DMXL1: variants seen among roughly 807,000 people sequenced by gnomAD.
The protein encoded by DMXL1 is Dmx like 1, also known as dmX-like protein 1.
DMXL1 carries 99 observed loss-of-function variants against 319.2 expected under a neutral mutation model. The ratio of observed to expected loss-of-function variants is 0.31; its 90% CI spans 0.26 to 0.37. DMXL1 has a LOEUF of 0.37. DMXL1 is among the 10% of genes least tolerant of loss of function. The probability of loss-of-function intolerance (pLI) is 1.00; values close to 1 mark genes in which losing one functional copy is unlikely to be tolerated. For synonymous variants in DMXL1, 1,385 were observed against 1,235.2 expected (o/e 1.12, Z -2.54); for missense variants, 3,745 against 3,595.6 (o/e 1.04, Z -1.06).
intron 1 of DMXL1, among the ~76,000 whole-genome samples, chr5:119,074,584 T>C (rs1188603372): frequency 2.6e-5 from 4 of 152,244 alleles, no homozygotes; most frequent in Non-Finnish European, 4.4e-5. Context: ...TTTGAAAATA[T>C]GAAATTACCA....
In DMXL1 at chr5:119,196,468, C is replaced by A; in HGVS notation, c.7543+12C>A. On this transcript the variant is annotated intron_variant, in intron 31 of 43. Transcript: ENST00000539542. ...TCATGATCTTGCAGGTAATAAATAG[C>A]TCAACATGAGCTAATGGTGCCATTG... 6.3e-7 allele frequency: 1 copy of A among 1,578,682 alleles called. No homozygotes were observed. The highest frequency in any genetic ancestry group is 8.7e-7 in the Non-Finnish European group (1 of 1,150,090).
At position 119,149,733 on chromosome 5, in the gene DMXL1, T is replaced by C; in HGVS notation, c.3906T>C (p.Pro1302=). ...KICGKKTAFD[P]SVDMEDSGLF... ...GTGGAAAGAAAACTGCATTCGATCC[T>C]TCAGTGGATATGGAAGATTCAGGTC... Residue 1302 remains proline, a synonymous_variant, in exon 18 of 44, where the codon CCT becomes CCC. Transcript: ENST00000539542. The C allele has an allele frequency of 3.1e-6, 5 of 1,614,034 alleles. No individual in the cohort carries two copies. The highest frequency in any genetic ancestry group is 4.2e-6 in the Non-Finnish European group (5 of 1,179,950).
At chr5:119,232,654 AAT>A (rs747681284) in intron 38 of DMXL1, among the ~76,000 whole-genome samples, 7 of 152,258 alleles carry the variant, frequency 4.6e-5, no homozygotes, top group Admixed American at 1.3e-4. Context: ...GCGAAGAATC[AAT>A]AGTCATTTAT....
intron 34 of DMXL1, among the ~76,000 whole-genome samples, chr5:119,209,323 T>C (rs867412119): frequency 4.6e-5 from 7 of 151,948 alleles, no homozygotes; most frequent in South Asian, 4.1e-4. Flanking sequence ...ATATTCTCAA[T>C]GGATTGTGTA....
At chr5:119,171,556 T>C (rs1025679467) in intron 24 of DMXL1, among the ~76,000 whole-genome samples, 1 of 146,434 alleles carries the variant, frequency 6.8e-6, no homozygotes, top group Non-Finnish European at 1.6e-5. Flanking sequence ...TGCAAGAGGA[T>C]ATTGTCTTAT....
Position 119,100,114 on chromosome 5 carries a change from T to C in DMXL1, c.214-1821T>C, listed in dbSNP as rs142098763. On this transcript the variant is annotated intron_variant, in intron 2 of 43. Coordinates refer to ENST00000539542, the MANE Select transcript of DMXL1 (RefSeq NM_001290321.3). ...GTATTATCATAGTGGTTCCTTAAAG[T>C]ATCAGGAAGAAAATTGGCAGGTTCT... Among the ~76,000 whole-genome samples, 467 of 152,250 alleles carry C rather than the reference T, an allele frequency of 3.1e-3. 3 individuals carry two copies. The highest frequency in any genetic ancestry group is 0.01 in the African/African-American group (434 of 41,544).
rs1274257057 is a variant in DMXL1, at chr5:119,170,598, C to T, written c.5807C>T (p.Ser1936Leu). 1 of 1,613,704 alleles carries T rather than the reference C, an allele frequency of 6.2e-7. No homozygotes were observed. Among genetic ancestry groups the T allele is most frequent in the Non-Finnish European group, 8.5e-7 (1 of 1,179,914 alleles). ...QSLINGFGSS[S>L]EGSSEKQSNS... ...CTGATAAATGGTTTTGGATCTTCTT[C>T]AGAGGGTTCCTCAGAGAAGCAATCA... Residue 1936 changes from serine (S) to leucine (L), a missense_variant, in exon 24 of 44, where the codon TCA becomes TTA. Ser to Leu is a moderately radical substitution (Grantham distance 145). This residue lies in a region of DMXL1 where 1,382 missense variants were observed against 1,269.5 expected (regional missense o/e 1.09). Transcript: ENST00000539542.
At position 119,071,501 on chromosome 5, in the gene DMXL1, G is replaced by A; in HGVS notation, c.-69G>A. Reference sequence around the variant, plus strand: ...CGGCCGCCGCCCCTGAGGGAAGGAGGGAGGGAAGCAGCCGCTGACCCGTGG... The same window carrying A: ...CGGCCGCCGCCCCTGAGGGAAGGAGAGAGGGAAGCAGCCGCTGACCCGTGG... On this transcript the variant is annotated 5_prime_UTR_variant, in exon 1 of 44. Coordinates refer to ENST00000539542, the MANE Select transcript of DMXL1 (RefSeq NM_001290321.3). 2.1e-6 allele frequency: 3 copies of A among 1,459,644 alleles called. No individual in the cohort carries two copies. Among genetic ancestry groups the A allele is most frequent in the Non-Finnish European group, 2.8e-6 (3 of 1,063,612 alleles). The allele number at this position is 1,459,644 out of a possible 1,614,324, so 90.4% of individuals were successfully genotyped here.
At chr5:119,093,068 T>A (rs1378638127) in intron 1 of DMXL1, among the ~76,000 whole-genome samples, 1 of 152,238 alleles carries the variant, frequency 6.6e-6, no homozygotes, top group African/African-American at 2.4e-5. Context: ...TTTTTACAAA[T>A]TGAAGTTTTG....
chr5:119,181,435 G>A (rs1263823611), intron 28 of DMXL1, among the ~76,000 whole-genome samples: 3 of 151,960 alleles, frequency 2.0e-5, no homozygotes, highest in Admixed American at 6.5e-5. Flanking sequence ...TGAATGGTAC[G>A]ATTTGTCCAT....
In DMXL1 at chr5:119,118,506, G is replaced by C. The variant is rs148593186; in HGVS notation, c.744-309G>C. Among the ~76,000 whole-genome samples the C allele has an allele frequency of 3.4e-3, 520 of 152,126 alleles. 3 individuals carry two copies. The highest frequency in any genetic ancestry group is 0.012 in the African/African-American group (512 of 41,486). On this transcript the variant is annotated intron_variant, in intron 7 of 43. Transcript: ENST00000539542. ...ACACCTGTAATCCCAGGATGAGGCGGGAGGATTACTTGAGCCAGAGGATTG... is the reference window on the plus strand; with the variant it reads ...ACACCTGTAATCCCAGGATGAGGCGCGAGGATTACTTGAGCCAGAGGATTG...
chr5:119,127,349 CTTT>C (rs371183556), intron 9 of DMXL1: 44 of 135,074 alleles, frequency 3.3e-4, no homozygotes, highest in Middle Eastern at 3.9e-3. Context: ...GTCCTTTATC[CTTT>C]TTTTTTTTTT....
chr5:119,150,194 C>G lies in DMXL1; in HGVS notation c.4367C>G (p.Thr1456Ser). 1 of 1,613,662 alleles carries G rather than the reference C, an allele frequency of 6.2e-7. No individual in the cohort carries two copies. Among genetic ancestry groups the G allele is most frequent in the Non-Finnish European group, 8.5e-7 (1 of 1,179,780 alleles). ...LFQTQLLMTD[T>S]HMLETDEENT... ...CAGACTCAACTTCTAATGACTGATA[C>G]TCATATGTTAGAGACAGATGAAGAA... Residue 1456 changes from threonine (T) to serine (S), a missense_variant, in exon 18 of 44, where the codon ACT becomes AGT. Transcript: ENST00000539542.
At chr5:119,226,643 A>G (rs556184774) in intron 38 of DMXL1, among the ~76,000 whole-genome samples, 1 of 152,210 alleles carries the variant, frequency 6.6e-6, no homozygotes, top group East Asian at 1.9e-4. Context: ...AGTTAGAATC[A>G]TATCCTACAG....
intron 34 of DMXL1, among the ~76,000 whole-genome samples, chr5:119,207,286 A>C (rs1781911924): frequency 6.6e-6 from 1 of 152,172 alleles, no homozygotes; most frequent in African/African-American, 2.4e-5. Flanking sequence ...AATGATATTA[A>C]AATTAATGAT....
At chr5:119,163,849 A>G (rs774305911) in intron 19 of DMXL1, among the ~76,000 whole-genome samples, 5 of 152,152 alleles carry the variant, frequency 3.3e-5, no homozygotes, top group Non-Finnish European at 7.3e-5. Flanking sequence ...TGCTGGGATT[A>G]CAGGCATGAG....
intron 29 of DMXL1, among the ~76,000 whole-genome samples, chr5:119,192,627 C>A (rs1778899098): frequency 6.6e-6 from 1 of 152,132 alleles, no homozygotes; most frequent in Non-Finnish European, 1.5e-5. Context: ...AAATTATTTT[C>A]TTATCTGTCT....
rs758920135 is a variant in DMXL1 at position 119,171,090 on chromosome 5, C to T, written c.6299C>T (p.Ala2100Val). The T allele has an allele frequency of 3.1e-5, 50 of 1,613,664 alleles. No homozygotes were observed. Among genetic ancestry groups the T allele is most frequent in the Non-Finnish European group, 3.9e-5 (46 of 1,179,836 alleles). The stretch of plus-strand genomic sequence containing the variant: ...GATGAATTTGGATTAAATGAGGATG[C>T]TGAAGATTTGCCTCACCAAACAAAA... The part of the protein sequence containing the change: ...NEDEFGLNED[A>V]EDLPHQTKVK... The change falls in exon 24 of 44, where the codon GCT (alanine) becomes GTT (valine). Residue 2100 changes from alanine (A) to valine (V), a missense_variant. Around this residue, in one of 4 missense-constraint regions of DMXL1, gnomAD observed 1,382 missense variants for 1,269.5 expected, o/e 1.09. Coordinates refer to ENST00000539542, the MANE Select transcript of DMXL1 (RefSeq NM_001290321.3).
intron 28 of DMXL1, among the ~76,000 whole-genome samples, chr5:119,188,787 G>A (rs1319262666): frequency 1.3e-5 from 2 of 152,174 alleles, no homozygotes; most frequent in Non-Finnish European, 2.9e-5. Context: ...AACTCAGCTT[G>A]ACTATAGCTT....
Sources: allele counts gnomAD v4.1 joint callset (sites outside exome capture counted in the v4.1 genomes callset), GRCh38; gene constraint gnomAD v4.1.1; regional missense constraint gnomAD v4.1.1; transcripts MANE v1.5; gene names NCBI Gene and HGNC (gene_info 2026-07-23, HGNC 2026-07-21).